The following GPR39 variants were observed in gnomAD, a reference collection of about 807,000 sequenced individuals.
The protein encoded by GPR39 is G protein-coupled receptor 39.
GPR39 carries 23 observed loss-of-function variants against 18.4 expected under a neutral mutation model. That is an observed-to-expected ratio of 1.25 (90% CI 0.90 to 1.77). The LOEUF (loss-of-function observed/expected upper bound fraction) is 1.77. Ranked by LOEUF, GPR39 falls within the 40% of genes most tolerant of loss-of-function variation. GPR39 has a pLI of 0.00. For synonymous variants in GPR39, 280 were observed against 257.9 expected, an observed-to-expected ratio of 1.09 and a Z score of -0.82; for missense variants, 647 against 602.4, an observed-to-expected ratio of 1.07 and a Z score of -0.78.
intron 1 of GPR39, among the ~76,000 whole-genome samples, chr2:132,544,359 T>A (rs1679906386): frequency 6.6e-6 from 1 of 152,200 alleles, no homozygotes; most frequent in Non-Finnish European, 1.5e-5. Flanking sequence ...GACAAACTAG[T>A]ACTTCAAATG....
intron 1 of GPR39, among the ~76,000 whole-genome samples, chr2:132,518,902 C>G (rs1449438852): frequency 1.3e-5 from 2 of 152,126 alleles, no homozygotes; most frequent in East Asian, 3.9e-4. Context: ...GTACTCTAGC[C>G]TCCTTTCAAA....
chr2:132,518,817 A>G (rs1158597242), intron 1 of GPR39, among the ~76,000 whole-genome samples: 1 of 152,234 alleles, frequency 6.6e-6, no homozygotes, highest in African/African-American at 2.4e-5. Context: ...TATTAATGCA[A>G]TAGTTTTCAT....
At chr2:132,445,951 G>C (rs984703313) in intron 1 of GPR39, among the ~76,000 whole-genome samples, 2 of 150,972 alleles carry the variant, frequency 1.3e-5, no homozygotes, top group African/African-American at 5.0e-5. Flanking sequence ...GTCAGTCACA[G>C]AGATCAGCAC....
chr2:132,440,512 G>A (rs1680416866), intron 1 of GPR39, among the ~76,000 whole-genome samples: 1 of 152,184 alleles, frequency 6.6e-6, no homozygotes. Context: ...ATGCAGGAAA[G>A]AGGAAGAACA....
At chr2:132,420,256 T>A (rs758672364) in intron 1 of GPR39, among the ~76,000 whole-genome samples, 1 of 152,226 alleles carries the variant, frequency 6.6e-6, no homozygotes, top group Non-Finnish European at 1.5e-5. Context: ...TTCTCTGCGG[T>A]AGGTTTTCAA....
chr2:132,513,807 G>T (rs1477460549), intron 1 of GPR39, among the ~76,000 whole-genome samples: 1 of 152,194 alleles, frequency 6.6e-6, no homozygotes, highest in African/African-American at 2.4e-5. Flanking sequence ...GACATCCTGA[G>T]GGTTAAGGTG....
chr2:132,548,214 A>G (rs1429426519), intron 1 of GPR39, among the ~76,000 whole-genome samples: 1 of 152,156 alleles, frequency 6.6e-6, no homozygotes, highest in Non-Finnish European at 1.5e-5. Context: ...GCCCAATTCA[A>G]TTCCATTTGG....
At chr2:132,494,932 C>T (rs1364631241) in intron 1 of GPR39, among the ~76,000 whole-genome samples, 1 of 151,876 alleles carries the variant, frequency 6.6e-6, no homozygotes, top group South Asian at 2.1e-4. Context: ...GGTTTTGAGA[C>T]AAAAGAAATG....
At chr2:132,638,218 G>GAGT (rs1681798577) in intron 1 of GPR39, among the ~76,000 whole-genome samples, 2 of 152,280 alleles carry the variant, frequency 1.3e-5, no homozygotes, top group South Asian at 4.2e-4. Context: ...GGTTGTCTAG[G>GAGT]AGTGGAACCA....
chr2:132,486,917 C>T (rs530009324), intron 1 of GPR39, among the ~76,000 whole-genome samples: 3 of 152,198 alleles, frequency 2.0e-5, no homozygotes, highest in African/African-American at 4.8e-5. Context: ...CAGCCTAACT[C>T]GGCTTTCGAC....
chr2:132,425,734 G>A (rs1024883623), intron 1 of GPR39, among the ~76,000 whole-genome samples: 4 of 152,200 alleles, frequency 2.6e-5, no homozygotes, highest in Non-Finnish European at 5.9e-5. Flanking sequence ...AGAACTAAGA[G>A]TCAAAGCATG....
At chr2:132,529,839 A>AT (rs561729119) in intron 1 of GPR39, among the ~76,000 whole-genome samples, 55 of 152,320 alleles carry the variant, frequency 3.6e-4, no homozygotes, top group African/African-American at 1.3e-3. Context: ...CATCCACACC[A>AT]AAACCCCATC....
intron 1 of GPR39, among the ~76,000 whole-genome samples, chr2:132,579,164 T>C (rs7589698): frequency 0.012 from 1,770 of 152,038 alleles, 16 homozygotes; most frequent in Middle Eastern, 0.037. Flanking sequence ...CTTTTTTTTT[T>C]TCATTTTCAT....
intron 1 of GPR39, among the ~76,000 whole-genome samples, chr2:132,544,527 GC>G (rs761573908): frequency 1.3e-5 from 2 of 152,154 alleles, no homozygotes; most frequent in Non-Finnish European, 2.9e-5. Flanking sequence ...AGATGTCCAT[GC>G]CCCTGCCCAG....
rs567152765 is a variant in GPR39, at chr2:132,564,660, A to G, written c.857-80441A>G. Among the ~76,000 whole-genome samples the G allele has an allele frequency of 3.3e-5, 5 of 152,246 alleles. 1 individual carries two copies. The highest frequency in any genetic ancestry group is 1.2e-4 in the African/African-American group (5 of 41,554). On this transcript the variant is annotated intron_variant, in intron 1 of 1. Coordinates refer to ENST00000329321, the MANE Select transcript of GPR39 (RefSeq NM_001508.3). Reference sequence around the variant, plus strand: ...GAGAAAAAGTTGCTCAAAAAGATGCATGTAATATCACTCTCCACGGAGTCT... The same window carrying G: ...GAGAAAAAGTTGCTCAAAAAGATGCGTGTAATATCACTCTCCACGGAGTCT...
In GPR39 at chr2:132,517,469, T is replaced by A. The variant is rs756566053; in HGVS notation, c.856+99571T>A. 1.8e-3 allele frequency among the ~76,000 whole-genome samples: 276 copies of A among 152,298 alleles called. 1 individual carries two copies. Among genetic ancestry groups the A allele is most frequent in the Non-Finnish European group, 1.2e-3 (85 of 68,020 alleles). On this transcript the variant is annotated intron_variant, in intron 1 of 1. Coordinates refer to ENST00000329321, the MANE Select transcript of GPR39 (RefSeq NM_001508.3). ...CCTCTATCTAGTGCCCTGTGAAGCA[T>A]GTGACTAGAGCTCTCCCTTGATCAT...
chr2:132,602,949 A>C (rs1050087456), intron 1 of GPR39, among the ~76,000 whole-genome samples: 3 of 152,040 alleles, frequency 2.0e-5, no homozygotes, highest in Admixed American at 6.5e-5. Context: ...CATGTAAATT[A>C]GTACAGCTAT....
At chr2:132,587,079 G>A (rs145656156) in intron 1 of GPR39, among the ~76,000 whole-genome samples, 2 of 152,304 alleles carry the variant, frequency 1.3e-5, no homozygotes, top group African/African-American at 2.4e-5. Flanking sequence ...GTTAAAATTT[G>A]TAAAGGTCTT....
chr2:132,632,156 G>A (rs1331847642), intron 1 of GPR39, among the ~76,000 whole-genome samples: 2 of 152,090 alleles, frequency 1.3e-5, no homozygotes, highest in Non-Finnish European at 2.9e-5. Flanking sequence ...CCCCAGGACT[G>A]TTTCCAGGCC....
Sources: allele counts gnomAD v4.1 joint callset (sites outside exome capture counted in the v4.1 genomes callset), GRCh38; gene constraint gnomAD v4.1.1; transcripts MANE v1.5; gene names NCBI Gene and HGNC (gene_info 2026-07-23, HGNC 2026-07-21).